SFN: variants seen among roughly 807,000 people sequenced by gnomAD.
The protein encoded by SFN is stratifin.
Under a neutral mutation model 19.1 loss-of-function variants are expected in SFN, and 5 were observed. The observed-to-expected ratio is 0.26, with a 90% confidence interval of 0.14 to 0.55. The LOEUF is 0.55. SFN is among the 20% of genes least tolerant of loss of function. SFN has a pLI of 0.94. For synonymous variants in SFN, 130 were observed against 140.9 expected (o/e 0.92, Z 0.55); for missense variants, 287 against 330.0 (o/e 0.87, Z 1.01).
Position 26,863,195 on chromosome 1 carries a change from C to G in SFN, c.-18C>G. 6.2e-7 allele frequency: 1 copy of G among 1,612,544 alleles called. No homozygotes were observed. The highest frequency in any genetic ancestry group is 8.5e-7 in the Non-Finnish European group (1 of 1,179,432). On this transcript the variant is annotated 5_prime_UTR_variant, in exon 1 of 1. Coordinates refer to ENST00000339276, the MANE Select transcript of SFN (RefSeq NM_006142.5). The surrounding 1 kb of genome is among the most constrained non-coding windows in gnomAD (Gnocchi z 7.4). ...AGGCAGCAGTTAGCCCGCCGCCCGCCTGTGTGTCCCCAGAGCCATGGAGAG... is the reference window on the plus strand; with the variant it reads ...AGGCAGCAGTTAGCCCGCCGCCCGCGTGTGTGTCCCCAGAGCCATGGAGAG...
Position 26,864,175 on chromosome 1 carries a change from C to A in SFN, c.*216C>A. The A allele has an allele frequency of 1.8e-6, 1 of 563,162 alleles. No homozygotes were observed. The highest frequency in any genetic ancestry group is 3.2e-6 in the Non-Finnish European group (1 of 309,388). 34.9% of individuals were successfully genotyped at this position (563,162 alleles called of 1,614,324 possible). ...CACCTAACCACTGGTCATGCCCCCA[C>A]CCCTGCTCTCCGCACCCGCTTCCTC... On this transcript the variant is annotated 3_prime_UTR_variant, in exon 1 of 1. Coordinates refer to ENST00000339276, the MANE Select transcript of SFN (RefSeq NM_006142.5). The surrounding 1 kb of genome is among the most constrained non-coding windows in gnomAD (Gnocchi z 5.2).
rs1224602073 is a variant in SFN, at chr1:26,863,327, G to A, written c.115G>A (p.Glu39Lys). 1.9e-6 allele frequency: 3 copies of A among 1,614,070 alleles called. No individual in the cohort carries two copies. Among genetic ancestry groups the A allele is most frequent in the African/African-American group, 1.3e-5 (1 of 74,950 alleles). ...GGAGAAGGGCGAGGAGCTCTCCTGCGAAGAGCGAAACCTGCTCTCAGTAGC... is the reference window on the plus strand; with the variant it reads ...GGAGAAGGGCGAGGAGCTCTCCTGCAAAGAGCGAAACCTGCTCTCAGTAGC... Reference protein sequence around the residue: ...AVEKGEELSCEERNLLSVAYK... With the variant: ...AVEKGEELSCKERNLLSVAYK... Residue 39 changes from glutamate to lysine, a missense_variant, in exon 1 of 1, where the codon GAA becomes AAA. Coordinates refer to ENST00000339276, the MANE Select transcript of SFN (RefSeq NM_006142.5). This position sits in a 1 kb window ranked among gnomAD's most constrained non-coding sequence, Gnocchi z 7.4.
Position 26,864,070 on chromosome 1 carries a change from A to G in SFN, c.*111A>G. ...CTCCCCTAGGCGCTGTTCTTGCTCC[A>G]AAGGGCTCCGTGGAGAGGGACTGGC... On this transcript the variant is annotated 3_prime_UTR_variant, in exon 1 of 1. Transcript: ENST00000339276. The surrounding 1 kb of genome is among the most constrained non-coding windows in gnomAD (Gnocchi z 5.2). 1.0e-6 allele frequency: 1 copy of G among 998,122 alleles called. No homozygotes were observed. The highest frequency in any genetic ancestry group is 1.4e-6 in the Non-Finnish European group (1 of 691,476). The allele number at this position is 998,122 out of a possible 1,614,324, so 61.8% of individuals were successfully genotyped here.
chr1:26,864,085 G>C lies in SFN; in HGVS notation c.*126G>C. The C allele has an allele frequency of 1.1e-6, 1 of 902,102 alleles. No homozygotes were observed. Among genetic ancestry groups the C allele is most frequent in the Non-Finnish European group, 1.7e-6 (1 of 600,370 alleles). The allele number at this position is 902,102 out of a possible 1,614,324, so 55.9% of individuals were successfully genotyped here. A position where few individuals can be genotyped will look rare whatever the true frequency, so the allele number is the denominator to read the frequency against. ...TTCTTGCTCCAAAGGGCTCCGTGGA[G>C]AGGGACTGGCAGAGCTGAGGCCACC... is the stretch of plus-strand genomic sequence containing the variant. On this transcript the variant is annotated 3_prime_UTR_variant, in exon 1 of 1. Coordinates refer to ENST00000339276, the MANE Select transcript of SFN (RefSeq NM_006142.5). This position sits in a 1 kb window ranked among gnomAD's most constrained non-coding sequence, Gnocchi z 5.2.
chr1:26,863,603 C>T lies in SFN; in HGVS notation c.391C>T (p.Leu131=), dbSNP rs1346532253. The T allele has an allele frequency of 6.2e-7, 1 of 1,614,120 alleles. No homozygotes were observed. The highest frequency in any genetic ancestry group is 1.7e-5 in the Admixed American group (1 of 60,024). ...GATGAAGGGTGACTACTACCGCTAC[C>T]TGGCCGAGGTGGCCACCGGTGACGA... The part of the protein sequence containing the change: ...LKMKGDYYRY[L]AEVATGDDKK... The change falls in exon 1 of 1, where the codon CTG becomes TTG. Residue 131 remains leucine (L), a synonymous_variant. Coordinates refer to ENST00000339276, the MANE Select transcript of SFN (RefSeq NM_006142.5). The surrounding 1 kb of genome is among the most constrained non-coding windows in gnomAD (Gnocchi z 7.4).
rs752357911 is a variant in SFN at position 26,863,515 on chromosome 1, C to G, written c.303C>G (p.Gly101=). 6.2e-7 allele frequency: 1 copy of G among 1,613,960 alleles called. No individual in the cohort carries two copies. The highest frequency in any genetic ancestry group is 8.5e-7 in the Non-Finnish European group (1 of 1,179,956). Residue 101 remains glycine, a synonymous_variant, in exon 1 of 1, where the codon GGC becomes GGG. Coordinates refer to ENST00000339276, the MANE Select transcript of SFN (RefSeq NM_006142.5). The surrounding 1 kb of genome is among the most constrained non-coding windows in gnomAD (Gnocchi z 7.4). The part of the protein sequence containing the change: ...ELQGVCDTVL[G]LLDSHLIKEA... ...AGGGCGTGTGCGACACCGTGCTGGGCCTGCTGGACAGCCACCTCATCAAGG... is the reference window on the plus strand; with the variant it reads ...AGGGCGTGTGCGACACCGTGCTGGGGCTGCTGGACAGCCACCTCATCAAGG...
rs1235638184 is a variant in SFN, at chr1:26,863,659, A to T, written c.447A>T (p.Ser149=). Residue 149 remains serine (S), a synonymous_variant, in exon 1 of 1, where the codon TCA becomes TCT. Transcript: ENST00000339276. The surrounding 1 kb of genome is among the most constrained non-coding windows in gnomAD (Gnocchi z 7.4). ...AGCGCATCATTGACTCAGCCCGGTCAGCCTACCAGGAGGCCATGGACATCA... is the reference window on the plus strand; with the variant it reads ...AGCGCATCATTGACTCAGCCCGGTCTGCCTACCAGGAGGCCATGGACATCA... ...DKKRIIDSAR[S]AYQEAMDISK... 1.9e-6 allele frequency: 3 copies of T among 1,614,102 alleles called. No individual in the cohort carries two copies. The highest frequency in any genetic ancestry group is 2.5e-6 in the Non-Finnish European group (3 of 1,180,020).
chr1:26,863,374 C>G lies in SFN; in HGVS notation c.162C>G (p.Gly54=), dbSNP rs755654006. 6 of 1,613,830 alleles carry G rather than the reference C, an allele frequency of 3.7e-6. No individual in the cohort carries two copies. The highest frequency in any genetic ancestry group is 1.3e-5 in the African/African-American group (1 of 75,020). The change falls in exon 1 of 1, where the codon GGC becomes GGG. Residue 54 remains glycine (G), a synonymous_variant. Transcript: ENST00000339276. The surrounding 1 kb of genome is among the most constrained non-coding windows in gnomAD (Gnocchi z 7.4). ...LSVAYKNVVG[G]QRAAWRVLSS... ...TAGCCTATAAGAACGTGGTGGGCGG[C>G]CAGAGGGCTGCCTGGAGGGTGCTGT...
Position 26,864,327 on chromosome 1 carries a change from A to ATGGGTGTG in SFN, c.*371_*378dup, listed in dbSNP as rs2081775492. 3 of 257,722 alleles carry ATGGGTGTG rather than the reference A, an allele frequency of 1.2e-5. No individual in the cohort carries two copies. In the Admixed American group the frequency reaches 1.8e-4, roughly 15 times the overall value. The allele number at this position is 257,722 out of a possible 1,614,324, so 16.0% of individuals were successfully genotyped here. The stretch of plus-strand genomic sequence containing the variant: ...AACTGGACAGTGGCAGGGGCTGGAG[A>ATGGGTGTG]TGGGTGTGTGTGTGTGTGTGTGTGT... On this transcript the variant is annotated 3_prime_UTR_variant, in exon 1 of 1. Transcript: ENST00000339276. The surrounding 1 kb of genome is among the most constrained non-coding windows in gnomAD (Gnocchi z 5.2).
rs77608477 is a variant in SFN at position 26,863,349 on chromosome 1, T to C, written c.137T>C (p.Val46Ala). ...LSCEERNLLS[V>A]AYKNVVGGQR... The stretch of plus-strand genomic sequence containing the variant: ...TGCGAAGAGCGAAACCTGCTCTCAG[T>C]AGCCTATAAGAACGTGGTGGGCGGC... The change falls in exon 1 of 1, where the codon GTA becomes GCA. Residue 46 changes from valine (V) to alanine (A), a missense_variant. Transcript: ENST00000339276. This position sits in a 1 kb window ranked among gnomAD's most constrained non-coding sequence, Gnocchi z 7.4. 28 of 1,613,998 alleles carry C rather than the reference T, an allele frequency of 1.7e-5. No individual in the cohort carries two copies. The highest frequency in any genetic ancestry group is 8.3e-5 in the Admixed American group (5 of 59,998).
At position 26,863,582 on chromosome 1, in the gene SFN, A is replaced by T; in HGVS notation, c.370A>T (p.Lys124Ter). Residue 124 changes from lysine to a stop codon, truncating the protein, a stop_gained, in exon 1 of 1, where the codon AAG becomes TAG. Coordinates refer to ENST00000339276, the MANE Select transcript of SFN (RefSeq NM_006142.5). LOFTEE classifies it high-confidence loss of function. This position sits in a 1 kb window ranked among gnomAD's most constrained non-coding sequence, Gnocchi z 7.4. ...AESRVFYLKMKGDYYRYLAEV... is the reference protein window; with the variant it reads ...AESRVFYLKM ...GAGCCGGGTCTTCTACCTGAAGATG[A>T]AGGGTGACTACTACCGCTACCTGGC... 6.2e-7 allele frequency: 1 copy of T among 1,614,016 alleles called. No individual in the cohort carries two copies. Among genetic ancestry groups the T allele is most frequent in the Non-Finnish European group, 8.5e-7 (1 of 1,179,976 alleles).
At position 26,863,150 on chromosome 1, in the gene SFN, CAG is replaced by C; in HGVS notation, c.-60_-59del. ...AGGCAGGCCAAGAGCAGGAGAGACA[CAG>C]AGTCCGGCATTGGTCCCAGGCAGCA... On this transcript the variant is annotated 5_prime_UTR_variant, in exon 1 of 1. Transcript: ENST00000339276. This position sits in a 1 kb window ranked among gnomAD's most constrained non-coding sequence, Gnocchi z 7.4. 2.5e-6 allele frequency: 4 copies of C among 1,585,642 alleles called. No individual in the cohort carries two copies. The highest frequency in any genetic ancestry group is 2.6e-6 in the Non-Finnish European group (3 of 1,164,806).
chr1:26,864,166 A>G lies in SFN; in HGVS notation c.*207A>G, dbSNP rs2081774657. ...TGTTGAGCGCACCTAACCACTGGTC[A>G]TGCCCCCACCCCTGCTCTCCGCACC... On this transcript the variant is annotated 3_prime_UTR_variant, in exon 1 of 1. Transcript: ENST00000339276. This position sits in a 1 kb window ranked among gnomAD's most constrained non-coding sequence, Gnocchi z 5.2. The G allele has an allele frequency of 1.7e-6, 1 of 585,504 alleles. No individual in the cohort carries two copies. Among genetic ancestry groups the G allele is most frequent in the Admixed American group, 3.1e-5 (1 of 31,806 alleles). The allele number at this position is 585,504 out of a possible 1,614,324, so 36.3% of individuals were successfully genotyped here.
chr1:26,864,427 T>A lies in SFN; in HGVS notation c.*468T>A, dbSNP rs2081776704. ...CATGTCTGCTGGGTGTGACCATGTTTCCTCTCAATAAAGTTCCCCTGTGAC... is the reference window on the plus strand; with the variant it reads ...CATGTCTGCTGGGTGTGACCATGTTACCTCTCAATAAAGTTCCCCTGTGAC... On this transcript the variant is annotated 3_prime_UTR_variant, in exon 1 of 1. Transcript: ENST00000339276. The surrounding 1 kb of genome is among the most constrained non-coding windows in gnomAD (Gnocchi z 5.2). 1 of 173,194 alleles carries A rather than the reference T, an allele frequency of 5.8e-6. No homozygotes were observed. The highest frequency in any genetic ancestry group is 1.4e-5 in the Non-Finnish European group (1 of 72,308). 10.7% of individuals were successfully genotyped at this position (173,194 alleles called of 1,614,324 possible).
chr1:26,864,047 C>A lies in SFN; in HGVS notation c.*88C>A. On this transcript the variant is annotated 3_prime_UTR_variant, in exon 1 of 1. Coordinates refer to ENST00000339276, the MANE Select transcript of SFN (RefSeq NM_006142.5). This position sits in a 1 kb window ranked among gnomAD's most constrained non-coding sequence, Gnocchi z 5.2. ...ATGGGGTGGGAGGCCCCACCCTTCTCCCCTAGGCGCTGTTCTTGCTCCAAA... is the reference window on the plus strand; with the variant it reads ...ATGGGGTGGGAGGCCCCACCCTTCTACCCTAGGCGCTGTTCTTGCTCCAAA... The A allele has an allele frequency of 8.5e-7, 1 of 1,176,794 alleles. No homozygotes were observed. Among genetic ancestry groups the A allele is most frequent in the Non-Finnish European group, 1.2e-6 (1 of 850,128 alleles). The allele number at this position is 1,176,794 out of a possible 1,614,324, so 72.9% of individuals were successfully genotyped here.
rs1186073578 is a variant in SFN at position 26,863,807 on chromosome 1, G to C, written c.595G>C (p.Asp199His). The change falls in exon 1 of 1, where the codon GAC (aspartate) becomes CAC (histidine). Residue 199 changes from aspartate (D) to histidine (H), a missense_variant. Transcript: ENST00000339276. The surrounding 1 kb of genome is among the most constrained non-coding windows in gnomAD (Gnocchi z 7.4). ...EAISLAKTTF[D>H]EAMADLHTLS... ...CATCTCTCTGGCCAAGACCACTTTC[G>C]ACGAGGCCATGGCTGATCTGCACAC... 4.3e-6 allele frequency: 7 copies of C among 1,613,910 alleles called. No homozygotes were observed. The South Asian group carries it at 6.6e-5, about 15-fold the overall frequency.
chr1:26,863,830 C>G lies in SFN; in HGVS notation c.618C>G (p.His206Gln). The change falls in exon 1 of 1, where the codon CAC (histidine) becomes CAG (glutamine). Residue 206 changes from histidine to glutamine, a missense_variant. Physicochemically the swap from His to Gln is conservative, Grantham distance 24. Coordinates refer to ENST00000339276, the MANE Select transcript of SFN (RefSeq NM_006142.5). This position sits in a 1 kb window ranked among gnomAD's most constrained non-coding sequence, Gnocchi z 7.4. ...TTFDEAMADL[H>Q]TLSEDSYKDS... ...TCGACGAGGCCATGGCTGATCTGCA[C>G]ACCCTCAGCGAGGACTCCTACAAAG... 2 of 1,614,172 alleles carry G rather than the reference C, an allele frequency of 1.2e-6. No individual in the cohort carries two copies. The highest frequency in any genetic ancestry group is 8.5e-7 in the Non-Finnish European group (1 of 1,180,034).
Position 26,863,289 on chromosome 1 carries a change from T to G in SFN, c.77T>G (p.Met26Arg), listed in dbSNP as rs747687239. Residue 26 changes from methionine to arginine, a missense_variant, in exon 1 of 1, where the codon ATG becomes AGG. Coordinates refer to ENST00000339276, the MANE Select transcript of SFN (RefSeq NM_006142.5). This position sits in a 1 kb window ranked among gnomAD's most constrained non-coding sequence, Gnocchi z 7.4. ...AERYEDMAAFMKGAVEKGEEL... is the reference protein window; with the variant it reads ...AERYEDMAAFRKGAVEKGEEL... ...CGCTATGAGGACATGGCAGCCTTCA[T>G]GAAAGGCGCCGTGGAGAAGGGCGAG... 1.1e-5 allele frequency: 18 copies of G among 1,614,076 alleles called. No individual in the cohort carries two copies. Among genetic ancestry groups the G allele is most frequent in the Admixed American group, 1.7e-5 (1 of 60,006 alleles).
Position 26,863,298 on chromosome 1 carries a change from C to A in SFN, c.86C>A (p.Ala29Asp). Residue 29 changes from alanine (A) to aspartate (D), a missense_variant, in exon 1 of 1, where the codon GCC becomes GAC. Coordinates refer to ENST00000339276, the MANE Select transcript of SFN (RefSeq NM_006142.5). The surrounding 1 kb of genome is among the most constrained non-coding windows in gnomAD (Gnocchi z 7.4). ...YEDMAAFMKG[A>D]VEKGEELSCE... is the part of the protein sequence containing the mutation. Reference sequence around the variant, plus strand: ...GACATGGCAGCCTTCATGAAAGGCGCCGTGGAGAAGGGCGAGGAGCTCTCC... The same window carrying A: ...GACATGGCAGCCTTCATGAAAGGCGACGTGGAGAAGGGCGAGGAGCTCTCC... 8.7e-6 allele frequency: 14 copies of A among 1,614,202 alleles called. No homozygotes were observed. The highest frequency in any genetic ancestry group is 1.2e-5 in the Non-Finnish European group (14 of 1,180,052).
Sources: gnomAD v4.1 joint callset for allele counts on GRCh38, gnomAD v4.1.1 for gene constraint, Gnocchi (gnomAD v3.1) non-coding constraint, MANE v1.5 for transcripts, NCBI Gene and HGNC (gene_info 2026-07-23, HGNC 2026-07-21) for gene names.